CEACAM21: variants seen among roughly 807,000 people sequenced by gnomAD.
CEACAM21 encodes the protein cell adhesion molecule CEACAM21.
Under a neutral mutation model 33.2 loss-of-function variants are expected in CEACAM21, and 38 were observed. The observed-to-expected ratio is 1.14, with a 90% CI of 0.88 to 1.50. CEACAM21 has a LOEUF of 1.50. CEACAM21 is among the 40% of genes most tolerant of loss of function. The pLI is 0.00. For synonymous variants in CEACAM21, 156 were observed against 143.0 expected, an observed-to-expected ratio of 1.09 and a Z score of -0.65; for missense variants, 385 against 364.6, an observed-to-expected ratio of 1.06 and a Z score of -0.46.
At chr19:41,554,908 T>C (rs928147977) in intron 1 of CEACAM21, 5 of 152,118 alleles carry the variant, frequency 3.3e-5, no homozygotes, top group Admixed American at 2.0e-4. Context: ...CATTTAGCTT[T>C]ATTTTATCCA....
chr19:41,572,097 C>CT (rs1471775122), upstream of CEACAM21, among the ~76,000 whole-genome samples: 1 of 152,094 alleles, frequency 6.6e-6, no homozygotes, highest in Admixed American at 6.6e-5. Flanking sequence ...CAAATGAAAG[C>CT]TTAAAATCAT....
chr19:41,558,214 C>T (rs552634145), intron 1 of CEACAM21, among the ~76,000 whole-genome samples: 4 of 152,298 alleles, frequency 2.6e-5, no homozygotes, highest in Admixed American at 6.5e-5. Flanking sequence ...ATGAGATCTA[C>T]ATAGCATTTA....
chr19:41,577,336 G>C lies in CEACAM21; in HGVS notation c.201G>C (p.Trp67Cys), dbSNP rs782741555. 6.2e-7 allele frequency: 1 copy of C among 1,614,056 alleles called. No individual in the cohort carries two copies. Among genetic ancestry groups the C allele is most frequent in the East Asian group, 2.2e-5 (1 of 44,872 alleles). The change falls in exon 2 of 7, where the codon TGG becomes TGC. Residue 67 changes from tryptophan (W) to cysteine (C), a missense_variant. By Grantham distance (215) the Trp-to-Cys change is radical. Coordinates refer to ENST00000401445, the MANE Select transcript of CEACAM21 (RefSeq NM_001098506.4). The stretch of plus-strand genomic sequence containing the variant: ...CCGAGAATCTTTACAGCTATGGCTG[G>C]TACAAAGGGAAAACGGTGGAGCCCA... ...YLPENLYSYG[W>C]YKGKTVEPNQ... is the part of the protein sequence containing the mutation.
At chr19:41,583,244 A>G (rs782599844) in intron 3 of CEACAM21, among the ~76,000 whole-genome samples, 22 of 152,218 alleles carry the variant, frequency 1.4e-4, no homozygotes, top group South Asian at 6.2e-4. Flanking sequence ...TCCAGTTCCC[A>G]AGAAGTTCCT....
intron 1 of CEACAM21, among the ~76,000 whole-genome samples, chr19:41,552,898 C>T (rs1258667852): frequency 6.6e-6 from 1 of 151,892 alleles, no homozygotes; most frequent in Non-Finnish European, 1.5e-5. Context: ...TTTAAGAAAG[C>T]ACAGCTTAGG....
chr19:41,586,762 G>A lies in CEACAM21; in HGVS notation c.*299G>A, dbSNP rs999916015. 1.4e-4 allele frequency: 49 copies of A among 350,520 alleles called. 1 individual carries two copies. Among genetic ancestry groups the A allele is most frequent in the Non-Finnish European group, 2.1e-4 (38 of 180,700 alleles). The allele number at this position is 350,520 out of a possible 1,614,324, so 21.7% of individuals were successfully genotyped here. ...GGCTTCCCATCACCACAGGAAGTGG[G>A]GGCTTGCAGGGAAAGTGAATGGGCC... On this transcript the variant is annotated 3_prime_UTR_variant, in exon 7 of 7. Coordinates refer to ENST00000401445, the MANE Select transcript of CEACAM21 (RefSeq NM_001098506.4).
chr19:41,579,998 T>C (rs1302797449), intron 3 of CEACAM21, among the ~76,000 whole-genome samples: 1 of 152,244 alleles, frequency 6.6e-6, no homozygotes, highest in African/African-American at 2.4e-5. Flanking sequence ...ACTGGTATTA[T>C]TTTTATGAAC....
At chr19:41,584,301 C>A (rs1555794331) in intron 3 of CEACAM21, 46 bp from the exon 4 acceptor site, 1 of 1,534,722 alleles carries the variant, frequency 6.5e-7, no homozygotes, top group Non-Finnish European at 8.9e-7. Context: ...TCATGGTTCC[C>A]CCTGGAACAG....
At chr19:41,563,095 G>A (rs1457359016) in intron 1 of CEACAM21, among the ~76,000 whole-genome samples, 2 of 152,176 alleles carry the variant, frequency 1.3e-5, no homozygotes, top group African/African-American at 2.4e-5. Flanking sequence ...GATGCAGAGT[G>A]TGGTTGAAAA....
intron 2 of CEACAM21, among the ~76,000 whole-genome samples, chr19:41,578,515 T>G (rs1600255561): frequency 6.6e-6 from 1 of 152,262 alleles, no homozygotes; most frequent in South Asian, 2.1e-4. Flanking sequence ...CACCACCGTG[T>G]GTCTGCAGCC....
rs184226159 is a variant in CEACAM21, at chr19:41,586,734, G to A, written c.*271G>A. The A allele has an allele frequency of 9.1e-5, 34 of 372,850 alleles. No homozygotes were observed. The highest frequency in any genetic ancestry group is 4.9e-4 in the African/African-American group (23 of 47,128). The allele number at this position is 372,850 out of a possible 1,614,324, so 23.1% of individuals were successfully genotyped here. ...CCCCGGGCTCTGGGTGGGCCAAGGC[G>A]AAGGCTTCCCATCACCACAGGAAGT... On this transcript the variant is annotated 3_prime_UTR_variant, in exon 7 of 7. Transcript: ENST00000401445.
chr19:41,561,984 G>A (rs999204489), intron 1 of CEACAM21, among the ~76,000 whole-genome samples: 1 of 152,138 alleles, frequency 6.6e-6, no homozygotes, highest in Non-Finnish European at 1.5e-5. Context: ...TGTGGCTCAC[G>A]CCTGTAATCC....
chr19:41,559,716 G>A (rs546198313), intron 1 of CEACAM21, among the ~76,000 whole-genome samples: 55 of 152,302 alleles, frequency 3.6e-4, no homozygotes, highest in Non-Finnish European at 5.3e-4. Context: ...ACAGACAACA[G>A]ACAATGAAAG....
intron 1 of CEACAM21, among the ~76,000 whole-genome samples, chr19:41,556,709 C>T (rs531944129): frequency 8.5e-5 from 13 of 152,260 alleles, no homozygotes; most frequent in South Asian, 2.1e-4. Flanking sequence ...GCCATGGTGG[C>T]GAAGGCATAA....
intron 3 of CEACAM21, among the ~76,000 whole-genome samples, chr19:41,582,813 G>A (rs1206025124): frequency 6.6e-6 from 1 of 152,212 alleles, no homozygotes; most frequent in Non-Finnish European, 1.5e-5. Flanking sequence ...CTCCAGTCCT[G>A]TGATGGAAGG....
intron 3 of CEACAM21, among the ~76,000 whole-genome samples, chr19:41,580,389 C>T (rs2043288035): frequency 6.6e-6 from 1 of 152,148 alleles, no homozygotes; most frequent in Non-Finnish European, 1.5e-5. Flanking sequence ...CAATTCCATC[C>T]TGACACTATC....
chr19:41,571,102 C>T (rs762214930), intron 2 of CEACAM21, among the ~76,000 whole-genome samples: 32 of 150,622 alleles, frequency 2.1e-4, no homozygotes, highest in Non-Finnish European at 4.1e-4. Flanking sequence ...CAGCAGGACT[C>T]CCTCCCCCAG....
At chr19:41,555,821 A>C (rs1839012430) in intron 1 of CEACAM21, among the ~76,000 whole-genome samples, 1 of 152,176 alleles carries the variant, frequency 6.6e-6, no homozygotes, top group South Asian at 2.1e-4. Flanking sequence ...TCTCATCTAA[A>C]CTTGCAAAGA....
In CEACAM21 at chr19:41,579,356, C is replaced by A. The variant is rs1196057321; in HGVS notation, c.428C>A (p.Ser143Ter). Residue 143 changes from serine to a stop codon, truncating the protein, a stop_gained, in exon 3 of 7, where the codon TCA becomes TAA. Coordinates refer to ENST00000401445, the MANE Select transcript of CEACAM21 (RefSeq NM_001098506.4). LOFTEE classifies it high-confidence loss of function. ...CTGTTGGTCACTCTATCCACAGAGT[C>A]AGTGGCTCAGCCCTCCATCCAAGCC... Reference protein sequence around the residue: ...QASHHLRVYESVAQPSIQASS... With the variant: ...QASHHLRVYE The A allele has an allele frequency of 3.1e-6, 5 of 1,613,976 alleles. No individual in the cohort carries two copies. Among genetic ancestry groups the A allele is most frequent in the Non-Finnish European group, 4.2e-6 (5 of 1,179,880 alleles).
Sources: allele counts gnomAD v4.1 joint callset (sites outside exome capture counted in the v4.1 genomes callset), GRCh38; gene constraint gnomAD v4.1.1; transcripts MANE v1.5; gene names NCBI Gene and HGNC (gene_info 2026-07-23, HGNC 2026-07-21).